Variants in CWF19L2 observed in about 807,000 individuals in gnomAD.
CWF19L2 encodes the protein CWF19-like protein 2.
A neutral mutation model predicts 111.7 loss-of-function variants in CWF19L2; 98 were observed. The ratio of observed to expected loss-of-function variants is 0.88; its 90% CI spans 0.75 to 1.04. The LOEUF is 1.04. Ranked by LOEUF, CWF19L2 falls within the 50% of genes least tolerant of loss-of-function variation. CWF19L2 has a pLI of 0.00. For synonymous variants in CWF19L2, 351 were observed against 342.9 expected, an observed-to-expected ratio of 1.02 and a Z score of -0.26; for missense variants, 1,101 against 1,051.4, an observed-to-expected ratio of 1.05 and a Z score of -0.65.
At chr11:107,455,566 CT>C in intron 2 of CWF19L2, 99 bp downstream of exon 2, 1 of 657,076 alleles carries the variant, frequency 1.5e-6, no homozygotes, top group Non-Finnish European at 2.5e-6. Flanking sequence ...CATTTTGTAA[CT>C]TATGAAAACA....
intron 12 of CWF19L2, among the ~76,000 whole-genome samples, chr11:107,383,875 C>G (rs1860728350): frequency 1.3e-5 from 2 of 152,150 alleles, no homozygotes; most frequent in Non-Finnish European, 2.9e-5. Flanking sequence ...TCCTGTGCCC[C>G]CAGTTTAAAT....
At chr11:107,348,862 A>G in intron 14 of CWF19L2, 75 bp downstream of exon 14, 2 of 748,578 alleles carry the variant, frequency 2.7e-6, no homozygotes, top group Non-Finnish European at 4.5e-6. Context: ...AGTTATACCT[A>G]TTGGAATTTA....
intron 12 of CWF19L2, among the ~76,000 whole-genome samples, chr11:107,378,546 G>T (rs1037619563): frequency 1.1e-4 from 16 of 152,180 alleles, no homozygotes; most frequent in South Asian, 1.0e-3. Context: ...GTATTCTCAC[G>T]CATAGGTGGG....
intron 10 of CWF19L2, among the ~76,000 whole-genome samples, chr11:107,407,958 A>T (rs1043093102): frequency 1.3e-5 from 2 of 151,992 alleles, no homozygotes; most frequent in Non-Finnish European, 2.9e-5. Context: ...CCCAGCTAGG[A>T]TAATACCATG....
At chr11:107,438,534 T>C (rs749001444) in intron 6 of CWF19L2, among the ~76,000 whole-genome samples, 6 of 152,210 alleles carry the variant, frequency 3.9e-5, no homozygotes, top group Non-Finnish European at 8.8e-5. Flanking sequence ...TATGTACTCA[T>C]AGAATCATAC....
At chr11:107,362,160 C>T (rs1227284161) in intron 12 of CWF19L2, among the ~76,000 whole-genome samples, 1 of 152,064 alleles carries the variant, frequency 6.6e-6, no homozygotes, top group Non-Finnish European at 1.5e-5. Flanking sequence ...CCGCACCTGG[C>T]TCGGAGGGTC....
chr11:107,371,043 T>G, intron 12 of CWF19L2, among the ~76,000 whole-genome samples: 1 of 116,438 alleles, frequency 8.6e-6, no homozygotes, highest in Admixed American at 8.6e-5. Flanking sequence ...AGACGGAGTC[T>G]CACTCTGTCG....
chr11:107,434,490 C>A (rs58916919), intron 6 of CWF19L2, among the ~76,000 whole-genome samples: 1 of 151,792 alleles, frequency 6.6e-6, no homozygotes, highest in Non-Finnish European at 1.5e-5. Flanking sequence ...GCTTTAAGAT[C>A]GCCCCAGCTC....
In CWF19L2 at chr11:107,326,497, C is replaced by T. The variant is rs569111741; in HGVS notation, c.*413G>A. The T allele has an allele frequency of 6.8e-4, 105 of 154,326 alleles. No homozygotes were observed. Among genetic ancestry groups the T allele is most frequent in the Admixed American group, 1.1e-3 (17 of 15,310 alleles). The allele number at this position is 154,326 out of a possible 1,614,324, so 9.6% of individuals were successfully genotyped here. On this transcript the variant is annotated 3_prime_UTR_variant, in exon 18 of 18. Coordinates refer to ENST00000282251, the MANE Select transcript of CWF19L2 (RefSeq NM_152434.3). ...AAATCCTATGAAATTAAAATTAAAT[C>T]GTCTTATTTTTAAAAATGCAAAAGA...
At chr11:107,442,847 G>C in intron 4 of CWF19L2, 92 bp downstream of exon 4, 1 of 605,374 alleles carries the variant, frequency 1.7e-6, no homozygotes. Flanking sequence ...GGACAGAGAG[G>C]GAGGGAGGGA....
chr11:107,441,288 C>T (rs1269463422), intron 5 of CWF19L2, among the ~76,000 whole-genome samples: 1 of 151,920 alleles, frequency 6.6e-6, no homozygotes, highest in Non-Finnish European at 1.5e-5. Context: ...TTTATATATG[C>T]CCTAGATTTA....
intron 6 of CWF19L2, among the ~76,000 whole-genome samples, chr11:107,436,456 A>C (rs1246880595): frequency 1.3e-5 from 2 of 152,204 alleles, no homozygotes; most frequent in Non-Finnish European, 2.9e-5. Flanking sequence ...AAACAGACTA[A>C]CATAAAAATA....
At chr11:107,425,937 C>T (rs1452531327) in intron 8 of CWF19L2, among the ~76,000 whole-genome samples, 1 of 151,798 alleles carries the variant, frequency 6.6e-6, no homozygotes, top group African/African-American at 2.4e-5. Flanking sequence ...TTTTCTAACA[C>T]AAGAAAAATA....
intron 3 of CWF19L2, among the ~76,000 whole-genome samples, chr11:107,453,635 T>G (rs936848150): frequency 6.6e-6 from 1 of 151,332 alleles, no homozygotes; most frequent in East Asian, 2.0e-4. Context: ...GGGGAGAGCC[T>G]CCTTCTGCTT....
chr11:107,430,075 G>C (rs967434997), intron 7 of CWF19L2, among the ~76,000 whole-genome samples: 13 of 151,868 alleles, frequency 8.6e-5, no homozygotes, highest in African/African-American at 3.1e-4. Context: ...GATGGGAATA[G>C]AGCATTAATT....
intron 1 of CWF19L2, among the ~76,000 whole-genome samples, chr11:107,456,462 C>CCA (rs1760121541): frequency 6.6e-6 from 1 of 151,554 alleles, no homozygotes; most frequent in East Asian, 1.9e-4. Flanking sequence ...ATATATATAC[C>CCA]CACACACACA....
rs1861869388 is a variant in CWF19L2 at position 107,457,338 on chromosome 11, T to C, written c.105+374A>G. Among the ~76,000 whole-genome samples the C allele has an allele frequency of 2.0e-5, 3 of 152,192 alleles. No homozygotes were observed. The South Asian group carries it at 6.2e-4, about 32-fold the overall frequency. ...AATGTGTTTCCGAAAAAGGAAAATCTCATTTCAGATACAGCAGTAGCAATG... is the reference window on the plus strand; with the variant it reads ...AATGTGTTTCCGAAAAAGGAAAATCCCATTTCAGATACAGCAGTAGCAATG... On this transcript the variant is annotated intron_variant, in intron 1 of 17. Transcript: ENST00000282251.
At chr11:107,454,378 C>T (rs1861822829) in intron 3 of CWF19L2, 72 bp downstream of exon 3, 1 of 1,167,368 alleles carries the variant, frequency 8.6e-7, no homozygotes, top group African/African-American at 1.6e-5. Context: ...TGTATTTTAA[C>T]TTCCCATAAG....
chr11:107,361,093 G>A (rs1377787305), intron 12 of CWF19L2, among the ~76,000 whole-genome samples: 1 of 152,126 alleles, frequency 6.6e-6, no homozygotes, highest in Non-Finnish European at 1.5e-5. Context: ...AGTTCTCCAT[G>A]TAAGTCTTTA....
Sources: allele counts gnomAD v4.1 joint callset (sites outside exome capture counted in the v4.1 genomes callset), GRCh38; gene constraint gnomAD v4.1.1; transcripts MANE v1.5; gene names NCBI Gene and HGNC (gene_info 2026-07-23, HGNC 2026-07-21).